The following TGS1 variants were observed in gnomAD, a reference collection of about 807,000 sequenced individuals.
TGS1 encodes trimethylguanosine synthase 1.
In TGS1, 69 loss-of-function variants were observed where a neutral mutation model predicts 92.2. The ratio of observed to expected loss-of-function variants is 0.75; its 90% confidence interval spans 0.62 to 0.91. The LOEUF (loss-of-function observed/expected upper bound fraction) is 0.91. Among genes scored for constraint, TGS1 ranks in the 40% least tolerant of loss-of-function variants. The probability of loss-of-function intolerance (pLI) is 0.00; values close to 1 mark genes in which losing one functional copy is unlikely to be tolerated. For missense variants in TGS1, 1,062 were observed against 1,001.2 expected (o/e 1.06, Z -0.82); for synonymous variants, 345 against 338.1 (o/e 1.02, Z -0.22).
rs192148039 is a variant in TGS1 at position 55,805,171 on chromosome 8, C to A, written c.2143+135C>A. The A allele has an allele frequency of 1.1e-3, 667 of 610,596 alleles. 5 individuals carry two copies. The highest frequency in any genetic ancestry group is 9.5e-3 in the African/African-American group (498 of 52,398). 37.8% of individuals were successfully genotyped at this position (610,596 alleles called of 1,614,324 possible). ...AATATGAAATGATATAAAATAATAGCTAGCATATATTAAGCATATACTTTG... is the reference window on the plus strand; with the variant it reads ...AATATGAAATGATATAAAATAATAGATAGCATATATTAAGCATATACTTTG... On this transcript the variant is annotated intron_variant, in intron 10 of 12. Transcript: ENST00000260129.
chr8:55,813,784 T>G (rs1803399427), intron 12 of TGS1, among the ~76,000 whole-genome samples: 1 of 152,178 alleles, frequency 6.6e-6, no homozygotes, highest in African/African-American at 2.4e-5. Context: ...ATCTATATTT[T>G]CTAGTGTTTG....
chr8:55,804,949 A>G lies in TGS1; in HGVS notation c.2056A>G (p.Ser686Gly). The G allele has an allele frequency of 1.9e-6, 3 of 1,614,050 alleles. No homozygotes were observed. The South Asian group carries it at 3.3e-5, about 18-fold the overall frequency. The change falls in exon 10 of 13, where the codon AGT becomes GGT. Residue 686 changes from serine to glycine, a missense_variant. Physicochemically the swap from Ser to Gly is moderately conservative, Grantham distance 56. Transcript: ENST00000260129. The part of the protein sequence containing the change: ...KIAEHIAGRV[S>G]QSFKCDVVVD... ...TGCTGAACACATTGCTGGCCGTGTT[A>G]GTCAGTCCTTCAAGTGTGACGTTGT...
chr8:55,801,483 C>G (rs1035419662), intron 8 of TGS1, among the ~76,000 whole-genome samples: 2 of 150,312 alleles, frequency 1.3e-5, no homozygotes, highest in African/African-American at 2.5e-5. Flanking sequence ...CCATGTTGGT[C>G]AGGCTGATCT....
At chr8:55,799,364 G>A in intron 8 of TGS1, 144 bp downstream of exon 8, 1 of 790,268 alleles carries the variant, frequency 1.3e-6, no homozygotes, top group South Asian at 1.9e-5. Flanking sequence ...GGCATATTAA[G>A]TGTACATGTT....
rs1812040978 is a variant in TGS1, at chr8:55,796,095, CTT to C, written c.1486_1487del (p.Phe496LeufsTer18). On this transcript the variant is annotated frameshift_variant, in exon 7 of 13. Coordinates refer to ENST00000260129, the MANE Select transcript of TGS1 (RefSeq NM_024831.8). LOFTEE classifies it high-confidence loss of function. ...RQIKMKNKHI[F>X]FTKESEKPFF... ...AAATAAAGATGAAAAACAAACACAT[CTT>C]CTTTACCAAAGAGTCAGAAAAACCA... 6.2e-7 allele frequency: 1 copy of C among 1,613,108 alleles called. No individual in the cohort carries two copies. The highest frequency in any genetic ancestry group is 1.1e-5 in the South Asian group (1 of 91,002).
rs1811306924 is a variant in TGS1 at position 55,774,129 on chromosome 8, G to A, written c.101+410G>A. On this transcript the variant is annotated intron_variant, in intron 1 of 12. Transcript: ENST00000260129. ...CCTAAAAATCTACTTAAGCCCAAAT[G>A]CACATAATTAAAACTTCAAACTAGT... Among the ~76,000 whole-genome samples, 3 of 152,178 alleles carry A rather than the reference G, an allele frequency of 2.0e-5. No homozygotes were observed. The South Asian group carries it at 6.2e-4, about 32-fold the overall frequency.
chr8:55,784,420 A>T (rs1811652671), intron 2 of TGS1, among the ~76,000 whole-genome samples: 1 of 152,140 alleles, frequency 6.6e-6, no homozygotes, highest in South Asian at 2.1e-4. Flanking sequence ...TCGCTTAAGC[A>T]TTCCTCTCAC....
intron 8 of TGS1, 60 bp from the exon 9 acceptor site, chr8:55,802,395 ACT>A: frequency 1.4e-6 from 2 of 1,385,906 alleles, no homozygotes; most frequent in East Asian, 2.3e-5. Context: ...TTTTAGATAA[ACT>A]CACCTGTGAT....
chr8:55,821,878 AAATAAT>A (rs554132249), intron 12 of TGS1, among the ~76,000 whole-genome samples: 39 of 151,852 alleles, frequency 2.6e-4, no homozygotes, highest in African/African-American at 8.7e-4. Context: ...CCATCTCAAA[AAATAAT>A]AATAATAATA....
chr8:55,807,502 A>AG (rs1413514341), intron 10 of TGS1, among the ~76,000 whole-genome samples: 1 of 148,562 alleles, frequency 6.7e-6, no homozygotes, highest in Non-Finnish European at 1.5e-5. Flanking sequence ...GTCATAAAGC[A>AG]GGGGTTTTTT....
chr8:55,781,407 T>C (rs532657975), intron 1 of TGS1, among the ~76,000 whole-genome samples: 2 of 152,248 alleles, frequency 1.3e-5, no homozygotes, highest in South Asian at 4.1e-4. Context: ...AAATAAATTT[T>C]AAAATAATAA....
At chr8:55,773,803 C>T (rs1463706076) in intron 1 of TGS1, 84 bp downstream of exon 1, 4 of 1,121,758 alleles carry the variant, frequency 3.6e-6, no homozygotes, top group Admixed American at 4.5e-5. Context: ...TGTAATTGAT[C>T]CCTGAAAGCA....
At position 55,804,529 on chromosome 8, in the gene TGS1, C is replaced by T. The variant is rs191777290; in HGVS notation, c.2000-364C>T. Among the ~76,000 whole-genome samples the T allele has an allele frequency of 3.1e-3, 469 of 152,236 alleles. 5 individuals carry two copies. Among genetic ancestry groups the T allele is most frequent in the African/African-American group, 1.0e-2 (415 of 41,532 alleles). On this transcript the variant is annotated intron_variant, in intron 9 of 12. Transcript: ENST00000260129. ...GGAGTGAAATAATTGGGAAACTCAG[C>T]GGAGTGTGGGGGAGCTAGCCAATTA...
chr8:55,779,001 A>G (rs755865892), intron 1 of TGS1, among the ~76,000 whole-genome samples: 2 of 152,174 alleles, frequency 1.3e-5, no homozygotes, highest in Non-Finnish European at 2.9e-5. Context: ...GGATTACTAC[A>G]ATCCAGGTTG....
chr8:55,797,293 A>T (rs1223673434), intron 7 of TGS1, among the ~76,000 whole-genome samples: 1 of 152,142 alleles, frequency 6.6e-6, no homozygotes. Context: ...ATCAGATCTC[A>T]TAAGAACTAA....
At chr8:55,784,662 C>T (rs988008759) in intron 2 of TGS1, among the ~76,000 whole-genome samples, 1 of 152,170 alleles carries the variant, frequency 6.6e-6, no homozygotes, top group African/African-American at 2.4e-5. Context: ...ATCAGCTCTT[C>T]CACAGAATCC....
At chr8:55,783,055 A>G (rs1488064482) in intron 2 of TGS1, among the ~76,000 whole-genome samples, 1 of 152,078 alleles carries the variant, frequency 6.6e-6, no homozygotes. Flanking sequence ...TGCTGTGTGT[A>G]GTGTTCCTTC....
chr8:55,796,209 C>G, intron 7 of TGS1, 57 bp downstream of exon 7: 1 of 1,336,782 alleles, frequency 7.5e-7, no homozygotes, highest in Non-Finnish European at 1.0e-6. Context: ...TAAGTTTGAC[C>G]TCTTAAAATT....
chr8:55,799,178 G>A lies in TGS1; in HGVS notation c.1807G>A (p.Val603Ile). ...LATVPDEQDCVTQEVPDSRQA... is the reference protein window; with the variant it reads ...LATVPDEQDCITQEVPDSRQA... ...AACTGTTCCAGATGAGCAGGATTGT[G>A]TTACTCAAGAAGTGCCAGACTCCCG... Residue 603 changes from valine (V) to isoleucine (I), a missense_variant, in exon 8 of 13, where the codon GTT becomes ATT. Val to Ile is a conservative substitution (Grantham distance 29). Transcript: ENST00000260129. The A allele has an allele frequency of 6.2e-7, 1 of 1,613,952 alleles. No homozygotes were observed.
Sources: allele counts gnomAD v4.1 joint callset (sites outside exome capture counted in the v4.1 genomes callset), GRCh38; gene constraint gnomAD v4.1.1; transcripts MANE v1.5; gene names NCBI Gene and HGNC (gene_info 2026-07-23, HGNC 2026-07-21).